NUDT13: variants seen among roughly 807,000 people sequenced by gnomAD.
The protein encoded by NUDT13 is nudix hydrolase 13.
A neutral mutation model predicts 41.7 loss-of-function variants in NUDT13; 40 were observed. The observed-to-expected ratio is 0.96, with a 90% CI of 0.75 to 1.25. The LOEUF is 1.25. NUDT13 is among the 50% of genes most tolerant of loss of function. NUDT13 has a pLI of 0.00. For missense variants in NUDT13, 390 were observed against 416.1 expected (o/e 0.94, Z 0.55); for synonymous variants, 145 against 155.5 (o/e 0.93, Z 0.50).
At position 73,130,744 on chromosome 10, in the gene NUDT13, C is replaced by G; in HGVS notation, c.900C>G (p.Phe300Leu). The change falls in exon 9 of 9, where the codon TTC (phenylalanine) becomes TTG (leucine). Residue 300 changes from phenylalanine (F) to leucine (L), a missense_variant. Physicochemically the swap from Phe to Leu is conservative, Grantham distance 22. Transcript: ENST00000357321. ...NLRELETAAW[F>L]SHDEVATALK... is the part of the protein sequence containing the mutation. The stretch of plus-strand genomic sequence containing the variant: ...GAGAATTAGAGACAGCTGCCTGGTT[C>G]AGTCATGATGAGGTAGCCACAGCCC... The G allele has an allele frequency of 6.2e-7, 1 of 1,613,862 alleles. No individual in the cohort carries two copies. The highest frequency in any genetic ancestry group is 2.2e-5 in the East Asian group (1 of 44,874).
At chr10:73,126,089 C>T in intron 7 of NUDT13, 1 of 247,434 alleles carries the variant, frequency 4.0e-6, no homozygotes, top group African/African-American at 2.3e-5. Context: ...CACATGTAGG[C>T]ATTTGTTTGT....
rs1653782578 is a variant in NUDT13 at position 73,114,434 on chromosome 10, T to C, written c.69T>C (p.Tyr23=). 1 of 1,586,024 alleles carries C rather than the reference T, an allele frequency of 6.3e-7. No individual in the cohort carries two copies. The highest frequency in any genetic ancestry group is 1.7e-4 in the Middle Eastern group (1 of 5,926). The part of the protein sequence containing the change: ...FFWCYRLLST[Y]VTKTRYLFEL... ...GGTGCTATAGGCTGCTGTCAACCTATGTTACTAAGACACGGTGAGTTTTAG... is the reference window on the plus strand; with the variant it reads ...GGTGCTATAGGCTGCTGTCAACCTACGTTACTAAGACACGGTGAGTTTTAG... The change falls in exon 2 of 9, where the codon TAT becomes TAC. Residue 23 remains tyrosine, a synonymous_variant. Transcript: ENST00000357321.
intron 1 of NUDT13, among the ~76,000 whole-genome samples, chr10:73,111,825 G>C (rs765221176): frequency 2.0e-5 from 3 of 152,192 alleles, no homozygotes; most frequent in Non-Finnish European, 4.4e-5. Flanking sequence ...GTGTTTTGGG[G>C]AACAGTGGCA....
At chr10:73,129,814 C>T (rs1842873008) in intron 8 of NUDT13, among the ~76,000 whole-genome samples, 1 of 151,546 alleles carries the variant, frequency 6.6e-6, no homozygotes, top group Non-Finnish European at 1.5e-5. Context: ...CCCGTCTCTA[C>T]TAAAAATACA....
rs1234755557 is a variant in NUDT13 at position 73,131,598 on chromosome 10, A to C, written c.*695A>C. 2 of 152,274 alleles carry C rather than the reference A, an allele frequency of 1.3e-5. No individual in the cohort carries two copies. The highest frequency in any genetic ancestry group is 2.9e-5 in the Non-Finnish European group (2 of 68,102). The allele number at this position is 152,274 out of a possible 1,614,324, so 9.4% of individuals were successfully genotyped here. On this transcript the variant is annotated 3_prime_UTR_variant, in exon 9 of 9. Transcript: ENST00000357321. ...CATGCTCAGTTTGTGACCCAGGGAA[A>C]AGACTATTGCTTTGCCATGCCTGTT...
chr10:73,123,060 C>G (rs947584426), intron 4 of NUDT13, among the ~76,000 whole-genome samples: 3 of 151,834 alleles, frequency 2.0e-5, no homozygotes, highest in Non-Finnish European at 4.4e-5. Context: ...GCCACCATGC[C>G]CGGCTAGTTT....
chr10:73,112,856 A>AT (rs1324363791), intron 1 of NUDT13, among the ~76,000 whole-genome samples: 1 of 150,846 alleles, frequency 6.6e-6, no homozygotes, highest in Non-Finnish European at 1.5e-5. Context: ...ATATATATAT[A>AT]TTTTTTTCAC....
chr10:73,113,207 G>A (rs763940088), intron 1 of NUDT13, among the ~76,000 whole-genome samples: 5 of 152,050 alleles, frequency 3.3e-5, no homozygotes, highest in African/African-American at 7.2e-5. Flanking sequence ...TTCTTAAGTC[G>A]CGTATTAATC....
rs766510956 is a variant in NUDT13, at chr10:73,124,269, G to A, written c.414G>A (p.Leu138=). 4 of 1,613,572 alleles carry A rather than the reference G, an allele frequency of 2.5e-6. No homozygotes were observed. Among genetic ancestry groups the A allele is most frequent in the Non-Finnish European group, 2.5e-6 (3 of 1,179,930 alleles). Reference sequence around the variant, plus strand: ...AGCTCAAGGGGTCTTTCATTGAGCTGAGAAAGGCACTCTTTCAACTCAATG... The same window carrying A: ...AGCTCAAGGGGTCTTTCATTGAGCTAAGAAAGGCACTCTTTCAACTCAATG... ...ETELKGSFIE[L]RKALFQLNAR... Residue 138 remains leucine (L), a synonymous_variant, in exon 5 of 9, where the codon CTG becomes CTA. Coordinates refer to ENST00000357321, the MANE Select transcript of NUDT13 (RefSeq NM_015901.6).
At chr10:73,122,946 G>C (rs1023468290) in intron 4 of NUDT13, among the ~76,000 whole-genome samples, 1 of 150,076 alleles carries the variant, frequency 6.7e-6, no homozygotes, top group African/African-American at 2.5e-5. Context: ...TGTTGCCCAG[G>C]CTGGAGTGCA....
chr10:73,120,906 C>A (rs1842631449), intron 3 of NUDT13, among the ~76,000 whole-genome samples: 2 of 151,072 alleles, frequency 1.3e-5, no homozygotes, highest in Non-Finnish European at 2.9e-5. Flanking sequence ...GCACTGCACC[C>A]CAGTGTGGGT....
At chr10:73,116,403 C>T (rs559733106) in intron 2 of NUDT13, among the ~76,000 whole-genome samples, 38 of 152,228 alleles carry the variant, frequency 2.5e-4, no homozygotes, top group African/African-American at 9.1e-4. Context: ...TACACACTCA[C>T]AACCAGTGAT....
intron 7 of NUDT13, 41 bp from the exon 8 acceptor site, chr10:73,126,632 T>C (rs774730323): frequency 6.3e-7 from 1 of 1,599,650 alleles, no homozygotes; most frequent in South Asian, 1.1e-5. Context: ...ATCACCCTTC[T>C]AGCCTACAGG....
At chr10:73,126,106 G>C in intron 7 of NUDT13, 1 of 257,406 alleles carries the variant, frequency 3.9e-6, no homozygotes, top group African/African-American at 2.3e-5. Flanking sequence ...TTGTAGGGAG[G>C]CCACAAGCTT....
At chr10:73,115,705 T>C (rs948823253) in intron 2 of NUDT13, among the ~76,000 whole-genome samples, 3 of 152,214 alleles carry the variant, frequency 2.0e-5, no homozygotes, top group Non-Finnish European at 4.4e-5. Flanking sequence ...AATTATATTG[T>C]TCTATTCCTG....
At position 73,120,142 on chromosome 10, in the gene NUDT13, C is replaced by G. The variant is rs761385116; in HGVS notation, c.208C>G (p.Arg70Gly). 1.5e-5 allele frequency: 24 copies of G among 1,614,064 alleles called. No individual in the cohort carries two copies. The highest frequency in any genetic ancestry group is 1.3e-4 in the African/African-American group (10 of 74,942). Residue 70 changes from arginine to glycine, a missense_variant, in exon 3 of 9, where the codon CGG (arginine) becomes GGG (glycine). By Grantham distance (125) the Arg-to-Gly change is moderately radical (BLOSUM62 -2). Coordinates refer to ENST00000357321, the MANE Select transcript of NUDT13 (RefSeq NM_015901.6). Reference protein sequence around the residue: ...QTSAHQYLAPRHSLLELERLL... With the variant: ...QTSAHQYLAPGHSLLELERLL... Reference sequence around the variant, plus strand: ...TTCAGCACATCAATACCTGGCCCCCCGGCACAGCCTGTTAGGTAAGTCCAG... The same window carrying G: ...TTCAGCACATCAATACCTGGCCCCCGGGCACAGCCTGTTAGGTAAGTCCAG...
chr10:73,123,035 G>C (rs992765301), intron 4 of NUDT13, among the ~76,000 whole-genome samples: 26 of 151,508 alleles, frequency 1.7e-4, no homozygotes, highest in African/African-American at 5.1e-4. Context: ...CTATTAGCTG[G>C]GATTACAGGC....
intron 1 of NUDT13, among the ~76,000 whole-genome samples, chr10:73,113,246 C>T (rs893764295): frequency 2.6e-5 from 4 of 152,176 alleles, no homozygotes; most frequent in Non-Finnish European, 5.9e-5. Context: ...AGTTAACGTT[C>T]TTGTACATAT....
chr10:73,113,604 T>C (rs1842424021), intron 1 of NUDT13, among the ~76,000 whole-genome samples: 1 of 152,208 alleles, frequency 6.6e-6, no homozygotes, highest in Non-Finnish European at 1.5e-5. Flanking sequence ...TACATTTTTG[T>C]GTTCTTTAAG....
Sources: allele counts gnomAD v4.1 joint callset (sites outside exome capture counted in the v4.1 genomes callset), GRCh38; gene constraint gnomAD v4.1.1; transcripts MANE v1.5; gene names NCBI Gene and HGNC (gene_info 2026-07-23, HGNC 2026-07-21).